The following TGFB2 variants were observed in gnomAD, a reference collection of about 807,000 sequenced individuals.
TGFB2 encodes the protein transforming growth factor beta-2 proprotein.
A neutral mutation model predicts 42.7 loss-of-function variants in TGFB2; 13 were observed. The ratio of observed to expected loss-of-function variants is 0.30; its 90% CI spans 0.20 to 0.48. TGFB2 has a LOEUF of 0.48. TGFB2 is among the 20% of genes least tolerant of loss of function. TGFB2 has a pLI of 0.99. For missense variants in TGFB2, 390 were observed against 517.5 expected (o/e 0.75, Z 2.39); for synonymous variants, 193 against 193.6 (o/e 1.00, Z 0.03).
intron 1 of TGFB2, among the ~76,000 whole-genome samples, chr1:218,397,664 A>C (rs1176898661): frequency 6.6e-6 from 1 of 151,772 alleles, no homozygotes; most frequent in Non-Finnish European, 1.5e-5. Flanking sequence ...CTGAAATGTT[A>C]GGGTACATAG....
chr1:218,408,751 A>G (rs11805848), intron 2 of TGFB2, among the ~76,000 whole-genome samples: 2 of 152,212 alleles, frequency 1.3e-5, no homozygotes, highest in African/African-American at 2.4e-5. Context: ...AGAGGAGGAC[A>G]CCGTGACATC....
At chr1:218,393,104 T>A (rs576888289) in intron 1 of TGFB2, among the ~76,000 whole-genome samples, 1 of 152,344 alleles carries the variant, frequency 6.6e-6, no homozygotes, top group African/African-American at 2.4e-5. Flanking sequence ...GATTTTCGGC[T>A]AATAATGACC....
chr1:218,346,654 T>C lies in TGFB2; in HGVS notation c.-48T>C, dbSNP rs1558219802. On this transcript the variant is annotated 5_prime_UTR_variant, in exon 1 of 7. Transcript: ENST00000366930. The surrounding 1 kb of genome is among the most constrained non-coding windows in gnomAD (Gnocchi z 4.9). Reference sequence around the variant, plus strand: ...ACTTTGAGAATTGTTGATTTCTTTTTTTTATTCTGACTTTTAAAAACAACT... The same window carrying C: ...ACTTTGAGAATTGTTGATTTCTTTTCTTTATTCTGACTTTTAAAAACAACT... 6.7e-7 allele frequency: 1 copy of C among 1,498,702 alleles called. No homozygotes were observed. The highest frequency in any genetic ancestry group is 1.2e-5 in the South Asian group (1 of 80,902). 92.8% of individuals were successfully genotyped at this position (1,498,702 alleles called of 1,614,324 possible). A position where few individuals can be genotyped will look rare whatever the true frequency, so the allele number is the denominator to read the frequency against.
rs6671174 is a variant in TGFB2 at position 218,369,250 on chromosome 1, G to A, written c.346+22203G>A. Among the ~76,000 whole-genome samples the A allele has an allele frequency of 9.0e-3, 780 of 86,746 alleles. 19 individuals are homozygous for A. Among genetic ancestry groups the A allele is most frequent in the African/African-American group, 0.034 (705 of 20,930 alleles). The allele number at this position is 86,746 out of a possible 152,430, so 56.9% of individuals were successfully genotyped here. On this transcript the variant is annotated intron_variant, in intron 1 of 6. Coordinates refer to ENST00000366930, the MANE Select transcript of TGFB2 (RefSeq NM_003238.6). Reference sequence around the variant, plus strand: ...AGCCTGGGCAACAAAGCAAGATTCCGTCTCAGAAAAAAAAAAAAAAAAAAA... The same window carrying A: ...AGCCTGGGCAACAAAGCAAGATTCCATCTCAGAAAAAAAAAAAAAAAAAAA...
At chr1:218,369,768 G>A (rs1160511639) in intron 1 of TGFB2, among the ~76,000 whole-genome samples, 1 of 152,212 alleles carries the variant, frequency 6.6e-6, no homozygotes, top group African/African-American at 2.4e-5. Flanking sequence ...GTGTGAAATA[G>A]AAAGTCAAGC....
rs182359294 is a variant in TGFB2 at position 218,420,130 on chromosome 1, G to A, written c.511-13952G>A. Among the ~76,000 whole-genome samples, 4 of 152,174 alleles carry A rather than the reference G, an allele frequency of 2.6e-5. No individual in the cohort carries two copies. The East Asian group carries it at 7.7e-4, about 29-fold the overall frequency. ...GGGGAGGTCAAATAAAAAATTAGAAGATATGGCTCCAGAGAGCTTGAGGTC... is the reference window on the plus strand; with the variant it reads ...GGGGAGGTCAAATAAAAAATTAGAAAATATGGCTCCAGAGAGCTTGAGGTC... On this transcript the variant is annotated intron_variant, in intron 2 of 6. Transcript: ENST00000366930.
chr1:218,398,572 T>A (rs185332915), intron 1 of TGFB2, among the ~76,000 whole-genome samples: 27 of 151,624 alleles, frequency 1.8e-4, no homozygotes, highest in African/African-American at 5.8e-4. Flanking sequence ...TTTATTTTAT[T>A]TTATTTTATT....
At chr1:218,381,325 G>A (rs1373525899) in intron 1 of TGFB2, among the ~76,000 whole-genome samples, 1 of 144,438 alleles carries the variant, frequency 6.9e-6, no homozygotes, top group African/African-American at 2.6e-5. Flanking sequence ...GCACAGTCTT[G>A]GCTCACTGCA....
rs2102526907 is a variant in TGFB2, at chr1:218,346,444, G to T, written c.-258G>T. Reference sequence around the variant, plus strand: ...TCCAAGAATTTTTTTCTTCTTACTCGCCAAAGTCAGGGTTCCCTCTGCCCG... The same window carrying T: ...TCCAAGAATTTTTTTCTTCTTACTCTCCAAAGTCAGGGTTCCCTCTGCCCG... On this transcript the variant is annotated 5_prime_UTR_variant, in exon 1 of 7. Transcript: ENST00000366930. This position sits in a 1 kb window ranked among gnomAD's most constrained non-coding sequence, Gnocchi z 4.9. The T allele has an allele frequency of 4.4e-5, 16 of 360,164 alleles. No individual in the cohort carries two copies. The highest frequency in any genetic ancestry group is 1.5e-4 in the South Asian group (2 of 13,310). The allele number at this position is 360,164 out of a possible 1,614,324, so 22.3% of individuals were successfully genotyped here.
Position 218,403,432 on chromosome 1 carries a change from G to GGT in TGFB2, c.347-1732_347-1731dup, listed in dbSNP as rs570754555. Among the ~76,000 whole-genome samples, 14 of 152,242 alleles carry GGT rather than the reference G, an allele frequency of 9.2e-5. No individual in the cohort carries two copies. In the South Asian group the frequency reaches 2.7e-3, roughly 29 times the overall value. ...CAGGCTCTTAAGATGAGAAAATGTTGGTGTGTTCCTAGCATCTTTTTTTCT... is the reference window on the plus strand; with the variant it reads ...CAGGCTCTTAAGATGAGAAAATGTTGGTGTGTGTTCCTAGCATCTTTTTTTCT... On this transcript the variant is annotated intron_variant, in intron 1 of 6. Transcript: ENST00000366930.
At chr1:218,392,377 C>A (rs1405015851) in intron 1 of TGFB2, among the ~76,000 whole-genome samples, 1 of 151,894 alleles carries the variant, frequency 6.6e-6, no homozygotes, top group African/African-American at 2.4e-5. Flanking sequence ...AACAAACAAA[C>A]AAAAAACTGG....
At chr1:218,422,921 T>C (rs188277523) in intron 2 of TGFB2, among the ~76,000 whole-genome samples, 2 of 152,274 alleles carry the variant, frequency 1.3e-5, no homozygotes, top group Admixed American at 6.5e-5. Context: ...TACAAGATGC[T>C]CGGCAATGAA....
At chr1:218,364,515 G>T (rs1039223860) in intron 1 of TGFB2, among the ~76,000 whole-genome samples, 14 of 152,206 alleles carry the variant, frequency 9.2e-5, no homozygotes, top group African/African-American at 3.4e-4. Context: ...AAACAGACTT[G>T]CAATCCTGGC....
chr1:218,356,361 C>CA (rs1657034461), intron 1 of TGFB2, among the ~76,000 whole-genome samples: 4 of 151,910 alleles, frequency 2.6e-5, no homozygotes. Flanking sequence ...GGACCACAGG[C>CA]ATGCACCACC....
At chr1:218,407,627 C>G (rs1658957022) in intron 2 of TGFB2, among the ~76,000 whole-genome samples, 1 of 152,156 alleles carries the variant, frequency 6.6e-6, no homozygotes, top group Non-Finnish European at 1.5e-5. Context: ...GAAGTTTGTA[C>G]AATGAAGTAT....
At chr1:218,390,251 T>A (rs190649035) in intron 1 of TGFB2, among the ~76,000 whole-genome samples, 8 of 151,712 alleles carry the variant, frequency 5.3e-5, no homozygotes, top group Admixed American at 2.6e-4. Context: ...ACCACCTGAG[T>A]TTTTTTTGCA....
intron 1 of TGFB2, chr1:218,363,502 C>A: frequency 7.4e-7 from 1 of 1,358,272 alleles, no homozygotes; most frequent in Non-Finnish European, 1.0e-6. Context: ...GGGGAACTTG[C>A]CAGAGGCAAG....
intron 1 of TGFB2, among the ~76,000 whole-genome samples, chr1:218,378,413 G>C (rs538471753): frequency 6.6e-6 from 1 of 152,288 alleles, no homozygotes; most frequent in South Asian, 2.1e-4. Context: ...CTGACCTCAG[G>C]TGATCCGCCC....
intron 2 of TGFB2, among the ~76,000 whole-genome samples, chr1:218,407,800 T>A (rs1658963114): frequency 6.6e-6 from 1 of 152,130 alleles, no homozygotes. Context: ...CATACTATGC[T>A]ATTCCTAGCA....
Sources: allele counts gnomAD v4.1 joint callset (sites outside exome capture counted in the v4.1 genomes callset), GRCh38; gene constraint gnomAD v4.1.1; non-coding constraint Gnocchi (gnomAD v3.1); transcripts MANE v1.5; gene names NCBI Gene and HGNC (gene_info 2026-07-23, HGNC 2026-07-21).